Variants in C16orf95 observed in about 807,000 individuals in gnomAD.
C16orf95 encodes uncharacterized protein C16orf95.
Under a neutral mutation model 32.1 loss-of-function variants are expected in C16orf95, and 41 were observed. The observed-to-expected ratio is 1.28, with a 90% CI of 1.00 to 1.66. The LOEUF is 1.66. C16orf95 is among the 40% of genes most tolerant of loss of function. The pLI, the probability that C16orf95 is intolerant of heterozygous loss-of-function variation, is 0.00. For synonymous variants in C16orf95, 147 were observed against 128.9 expected (o/e 1.14, Z -0.95); for missense variants, 399 against 325.9 (o/e 1.22, Z -1.73).
chr16:87,303,101 T>C (rs1910839401), intron 6 of C16orf95, 26 bp from the exon 7 acceptor site: 1 of 1,535,918 alleles, frequency 6.5e-7, no homozygotes, highest in Admixed American at 2.0e-5. Context: ...AGACAGTTAC[T>C]AGGACCCGGC....
At chr16:87,314,700 A>C (rs1003556956) in intron 3 of C16orf95, among the ~76,000 whole-genome samples, 2 of 152,182 alleles carry the variant, frequency 1.3e-5, no homozygotes, top group Non-Finnish European at 2.9e-5. Context: ...TTTTTAGAAA[A>C]AACTGTTTAA....
chr16:87,308,186 T>G (rs564395509), intron 5 of C16orf95, among the ~76,000 whole-genome samples: 14 of 152,216 alleles, frequency 9.2e-5, no homozygotes, highest in African/African-American at 3.1e-4. Context: ...AACACTCCCA[T>G]AATAAGCAGG....
chr16:87,305,705 C>T lies in C16orf95; in HGVS notation c.701+14G>A, dbSNP rs1444726272. The T allele has an allele frequency of 6.7e-7, 1 of 1,492,512 alleles. No homozygotes were observed. The highest frequency in any genetic ancestry group is 2.2e-5 in the Admixed American group (1 of 45,736). The allele number at this position is 1,492,512 out of a possible 1,614,324, so 92.5% of individuals were successfully genotyped here. On this transcript the variant is annotated intron_variant, in intron 6 of 6. Coordinates refer to ENST00000567970, the MANE Select transcript of C16orf95 (RefSeq NM_001195124.3). This position sits in a 1 kb window ranked among gnomAD's most constrained non-coding sequence, Gnocchi z 4.2. ...CCAGGGCCACCCACTGTCCCCCATC[C>T]CCCACCTGCTCACCGAATGGCCATG... is the stretch of plus-strand genomic sequence containing the variant.
In C16orf95 at chr16:87,305,685, G is replaced by A; in HGVS notation, c.701+34C>T. 1 of 1,465,158 alleles carries A rather than the reference G, an allele frequency of 6.8e-7. No individual in the cohort carries two copies. The highest frequency in any genetic ancestry group is 9.0e-7 in the Non-Finnish European group (1 of 1,112,408). The allele number at this position is 1,465,158 out of a possible 1,614,324, so 90.8% of individuals were successfully genotyped here. On this transcript the variant is annotated intron_variant, in intron 6 of 6. Transcript: ENST00000567970. The surrounding 1 kb of genome is among the most constrained non-coding windows in gnomAD (Gnocchi z 4.2). ...CTCAGGTGGACGTCACCATGCCAGG[G>A]CCACCCACTGTCCCCCATCCCCCAC...
Position 87,310,293 on chromosome 16 carries a change from T to A in C16orf95, c.514+4A>T. 6.5e-7 allele frequency: 1 copy of A among 1,535,974 alleles called. No individual in the cohort carries two copies. The highest frequency in any genetic ancestry group is 1.2e-5 in the South Asian group (1 of 84,042). On this transcript the variant is annotated splice_donor_region_variant and intron_variant, in intron 5 of 6. Coordinates refer to ENST00000567970, the MANE Select transcript of C16orf95 (RefSeq NM_001195124.3). Reference sequence around the variant, plus strand: ...GATATGAGACACACACACACTGGAGTTACCTTGGATGCCTTTCAAACTCTG... The same window carrying A: ...GATATGAGACACACACACACTGGAGATACCTTGGATGCCTTTCAAACTCTG...
At position 87,305,589 on chromosome 16, in the gene C16orf95, G is replaced by C. The variant is rs1425228012; in HGVS notation, c.701+130C>G. ...CACCACAGGACACACTCACAGTGCC[G>C]GGCCTTGGACGCCTGTCAAGTTAAG... is the stretch of plus-strand genomic sequence containing the variant. On this transcript the variant is annotated intron_variant, in intron 6 of 6. Coordinates refer to ENST00000567970, the MANE Select transcript of C16orf95 (RefSeq NM_001195124.3). The surrounding 1 kb of genome is among the most constrained non-coding windows in gnomAD (Gnocchi z 4.2). 2 of 687,428 alleles carry C rather than the reference G, an allele frequency of 2.9e-6. No homozygotes were observed. Among genetic ancestry groups the C allele is most frequent in the Non-Finnish European group, 4.4e-6 (2 of 453,008 alleles). The allele number at this position is 687,428 out of a possible 1,614,324, so 42.6% of individuals were successfully genotyped here.
At chr16:87,311,595 C>G (rs1268749276) in intron 3 of C16orf95, among the ~76,000 whole-genome samples, 1 of 152,242 alleles carries the variant, frequency 6.6e-6, no homozygotes, top group Non-Finnish European at 1.5e-5. Flanking sequence ...TATTGGGAGA[C>G]CTGGCTCTGT....
chr16:87,303,274 C>T (rs748753152), intron 6 of C16orf95, 199 bp from the exon 7 acceptor site: 3 of 583,362 alleles, frequency 5.1e-6, no homozygotes, highest in Admixed American at 5.7e-5. Context: ...TTTCCAGCCG[C>T]AGGACTGGGG....
rs1475866447 is a variant in C16orf95, at chr16:87,315,760, T to C, written c.204+12A>G. 1.3e-6 allele frequency: 2 copies of C among 1,526,792 alleles called. No homozygotes were observed. The highest frequency in any genetic ancestry group is 1.8e-6 in the Non-Finnish European group (2 of 1,141,974). The allele number at this position is 1,526,792 out of a possible 1,614,324, so 94.6% of individuals were successfully genotyped here. A position where few individuals can be genotyped will look rare whatever the true frequency, so the allele number is the denominator to read the frequency against. ...GGGTCAGGGCCAGTGGCTGAGGATT[T>C]GCTTTCCTTACCGAATGACGGGGGA... On this transcript the variant is annotated intron_variant, in intron 2 of 6. Transcript: ENST00000567970.
At chr16:87,311,029 G>C (rs1247660434) in intron 4 of C16orf95, 121 bp downstream of exon 4, 2 of 978,256 alleles carry the variant, frequency 2.0e-6, no homozygotes, top group Non-Finnish European at 2.9e-6. Context: ...CTGGACACCA[G>C]CAGAGGCCTT....
chr16:87,312,568 C>CAAA (rs71389850), intron 3 of C16orf95, among the ~76,000 whole-genome samples: 2,715 of 85,712 alleles, frequency 0.032, 73 homozygotes, highest in African/African-American at 0.078. Context: ...GACTCCATCT[C>CAAA]AAAAAAAAAA....
At position 87,311,337 on chromosome 16, in the gene C16orf95, G is replaced by C. The variant is rs955310049; in HGVS notation, c.331-41C>G. On this transcript the variant is annotated intron_variant, in intron 3 of 6. Coordinates refer to ENST00000567970, the MANE Select transcript of C16orf95 (RefSeq NM_001195124.3). ...GGAGGAGAAGATTCAGAAGGGGATGGAGCCATGCCTGTCCCCAATGACTCC... is the reference window on the plus strand; with the variant it reads ...GGAGGAGAAGATTCAGAAGGGGATGCAGCCATGCCTGTCCCCAATGACTCC... 26 of 1,486,970 alleles carry C rather than the reference G, an allele frequency of 1.7e-5. No homozygotes were observed. The Admixed American group carries it at 4.9e-4, about 28-fold the overall frequency. The allele number at this position is 1,486,970 out of a possible 1,614,324, so 92.1% of individuals were successfully genotyped here. A position where few individuals can be genotyped will look rare whatever the true frequency, so the allele number is the denominator to read the frequency against.
intron 3 of C16orf95, among the ~76,000 whole-genome samples, chr16:87,313,641 G>A (rs1244674526): frequency 6.6e-6 from 1 of 152,090 alleles, no homozygotes; most frequent in Non-Finnish European, 1.5e-5. Context: ...GGGTGAGGGG[G>A]GAGGATTGCT....
At chr16:87,310,752 C>A (rs1911244688) in intron 4 of C16orf95, among the ~76,000 whole-genome samples, 1 of 151,992 alleles carries the variant, frequency 6.6e-6, no homozygotes, top group Admixed American at 6.5e-5. Flanking sequence ...GGGAGAGAGT[C>A]AGAGGAGGGG....
rs1391954621 is a variant in C16orf95, at chr16:87,309,370, TTC to T, written c.514+925_514+926del. Among the ~76,000 whole-genome samples the T allele has an allele frequency of 1.2e-4, 16 of 138,368 alleles. No individual in the cohort carries two copies. The East Asian group carries it at 2.6e-3, about 22-fold the overall frequency. The allele number at this position is 138,368 out of a possible 152,430, so 90.8% of individuals were successfully genotyped here. ...TATATGCATTTTCTTTTTCTTTCTTTTCTTTTTTTTTTTTTTTTTTTTTTTTT... is the reference window on the plus strand; with the variant it reads ...TATATGCATTTTCTTTTTCTTTCTTTTTTTTTTTTTTTTTTTTTTTTTTTT... On this transcript the variant is annotated intron_variant, in intron 5 of 6. Transcript: ENST00000567970.
chr16:87,312,187 G>A (rs1456248742), intron 3 of C16orf95, among the ~76,000 whole-genome samples: 3 of 152,146 alleles, frequency 2.0e-5, no homozygotes, highest in Non-Finnish European at 2.9e-5. Context: ...CGGGTTCAAC[G>A]AGGCACATGG....
In C16orf95 at chr16:87,315,002, C is replaced by A; in HGVS notation, c.299G>T (p.Trp100Leu). The A allele has an allele frequency of 6.5e-7, 1 of 1,536,116 alleles. No individual in the cohort carries two copies. ...TCGGGGTCTCAGGGACAGAGGGACC[C>A]AGTAAGGCAGTGCTGCTTCCACCCT... The part of the protein sequence containing the change: ...VSRVEAALPY[W>L]VPLSLRPRKQ... Residue 100 changes from tryptophan to leucine, a missense_variant, in exon 3 of 7, where the codon TGG becomes TTG. By Grantham distance (61) the Trp-to-Leu change is moderately conservative. Coordinates refer to ENST00000567970, the MANE Select transcript of C16orf95 (RefSeq NM_001195124.3).
chr16:87,303,261 C>T (rs180926816), intron 6 of C16orf95, 186 bp from the exon 7 acceptor site: 171 of 593,272 alleles, frequency 2.9e-4, no homozygotes, highest in Admixed American at 6.8e-4. Context: ...CTGGCCATAT[C>T]GCTTTCCAGC....
intron 2 of C16orf95, 107 bp from the exon 3 acceptor site, chr16:87,315,203 G>A (rs2150656367): frequency 8.2e-7 from 1 of 1,213,930 alleles, no homozygotes; most frequent in Non-Finnish European, 1.1e-6. Context: ...GGTGTCCGGG[G>A]GCAGGGTCCC....
Sources: allele counts gnomAD v4.1 joint callset (sites outside exome capture counted in the v4.1 genomes callset), GRCh38; gene constraint gnomAD v4.1.1; non-coding constraint Gnocchi (gnomAD v3.1); transcripts MANE v1.5; gene names NCBI Gene and HGNC (gene_info 2026-07-23, HGNC 2026-07-21).